Variants in CCSER1 observed in about 807,000 individuals in gnomAD.
CCSER1 encodes the protein coiled-coil serine rich protein 1, also known as serine-rich coiled-coil domain-containing protein 1.
Under a neutral mutation model 82.0 loss-of-function variants are expected in CCSER1, and 41 were observed. That is an observed-to-expected ratio of 0.50 (90% CI 0.39 to 0.65). CCSER1 has a LOEUF of 0.65. CCSER1 is among the 30% of genes least tolerant of loss of function. CCSER1 has a pLI of 0.00. For missense variants in CCSER1, 1,119 were observed against 1,064.2 expected (o/e 1.05, Z -0.72); for synonymous variants, 414 against 383.9 (o/e 1.08, Z -0.92).
intron 10 of CCSER1, among the ~76,000 whole-genome samples, chr4:91,530,639 T>G (rs1354511142): frequency 6.6e-6 from 1 of 151,840 alleles, no homozygotes; most frequent in African/African-American, 2.4e-5. Flanking sequence ...ACTATGTATT[T>G]ATGCTGAAAA....
intron 10 of CCSER1, among the ~76,000 whole-genome samples, chr4:91,122,098 T>G (rs2148892839): frequency 6.6e-6 from 1 of 151,808 alleles, no homozygotes; most frequent in Admixed American, 6.6e-5. Flanking sequence ...CTTTGGTACC[T>G]GACATGGAAT....
intron 5 of CCSER1, among the ~76,000 whole-genome samples, chr4:90,574,634 T>A (rs1047419846): frequency 9.9e-5 from 15 of 151,952 alleles, no homozygotes; most frequent in Non-Finnish European, 1.0e-4. Flanking sequence ...CGGAATAACA[T>A]CTGCTTTCTT....
At chr4:91,426,008 A>T (rs1753946377) in intron 10 of CCSER1, among the ~76,000 whole-genome samples, 1 of 152,096 alleles carries the variant, frequency 6.6e-6, no homozygotes, top group Non-Finnish European at 1.5e-5. Flanking sequence ...CACCTACATT[A>T]GGTATTCCTC....
chr4:90,977,592 C>T (rs1336091993), intron 9 of CCSER1, among the ~76,000 whole-genome samples: 2 of 151,524 alleles, frequency 1.3e-5, no homozygotes, highest in African/African-American at 2.4e-5. Flanking sequence ...GTACACTAGA[C>T]AGTTAATTTC....
chr4:90,303,938 C>T (rs1733700306), intron 1 of CCSER1, among the ~76,000 whole-genome samples: 3 of 152,040 alleles, frequency 2.0e-5, no homozygotes, highest in African/African-American at 4.8e-5. Flanking sequence ...CTACAATGAA[C>T]TCAAACAAAT....
chr4:91,574,405 T>C (rs1156840675), intron 10 of CCSER1, among the ~76,000 whole-genome samples: 2 of 151,968 alleles, frequency 1.3e-5, no homozygotes, highest in African/African-American at 4.8e-5. Context: ...GATATGTATC[T>C]AAAAAGAAAA....
chr4:91,163,688 G>C (rs1489497265), intron 10 of CCSER1, among the ~76,000 whole-genome samples: 1 of 152,052 alleles, frequency 6.6e-6, no homozygotes, highest in Admixed American at 6.6e-5. Flanking sequence ...TTATGTAATG[G>C]CCTTCCTTGT....
At chr4:91,587,922 C>A (rs1764076734) in intron 10 of CCSER1, among the ~76,000 whole-genome samples, 1 of 151,376 alleles carries the variant, frequency 6.6e-6, no homozygotes. Flanking sequence ...TCTCTTGAAT[C>A]TTGAATTAAT....
At chr4:91,594,992 A>G (rs1331884090) in intron 10 of CCSER1, among the ~76,000 whole-genome samples, 1 of 151,966 alleles carries the variant, frequency 6.6e-6, no homozygotes, top group Non-Finnish European at 1.5e-5. Flanking sequence ...CCTGTTGCTG[A>G]GAGTGTTGGC....
At chr4:91,210,430 A>ATAAAAAAAGAGT (rs1736717629) in intron 10 of CCSER1, among the ~76,000 whole-genome samples, 3 of 151,618 alleles carry the variant, frequency 2.0e-5, no homozygotes, top group Admixed American at 1.3e-4. Context: ...TGGACAATTA[A>ATAAAAAAAGAGT]TAAAAAAAGA....
chr4:91,570,531 G>A (rs538308522), intron 10 of CCSER1, among the ~76,000 whole-genome samples: 6 of 152,284 alleles, frequency 3.9e-5, no homozygotes, highest in Admixed American at 3.9e-4. Context: ...GTACCTGCAG[G>A]CCAAACAACA....
chr4:91,211,539 G>C (rs138588302), intron 10 of CCSER1, among the ~76,000 whole-genome samples: 18 of 152,076 alleles, frequency 1.2e-4, no homozygotes, highest in African/African-American at 4.1e-4. Flanking sequence ...TGAGTTATAG[G>C]ACTATGTCTT....
At chr4:91,585,837 T>C (rs1343561152) in intron 10 of CCSER1, among the ~76,000 whole-genome samples, 1 of 151,634 alleles carries the variant, frequency 6.6e-6, no homozygotes, top group African/African-American at 2.4e-5. Context: ...AGCTAGATCA[T>C]TCAGAGTGAT....
At chr4:90,365,258 A>G (rs1391049134) in intron 3 of CCSER1, among the ~76,000 whole-genome samples, 1 of 151,900 alleles carries the variant, frequency 6.6e-6, no homozygotes, top group Non-Finnish European at 1.5e-5. Context: ...ACAGAATTCA[A>G]TGAGCAACAT....
intron 1 of CCSER1, among the ~76,000 whole-genome samples, chr4:90,170,581 A>AT (rs200969879): frequency 2.5e-4 from 38 of 149,908 alleles, no homozygotes; most frequent in Non-Finnish European, 4.8e-4. Context: ...TCATGAGTTC[A>AT]TTTTTTTTTA....
In CCSER1 at chr4:90,575,994, C is replaced by A. The variant is rs191059302; in HGVS notation, c.1725-52031C>A. ...GGTAAGCCCTTTTACTCTGGAAATG[C>A]AGTTTTCATATCTCCGAAATTTTGT... On this transcript the variant is annotated intron_variant, in intron 5 of 10. Transcript: ENST00000509176. 6.1e-3 allele frequency among the ~76,000 whole-genome samples: 933 copies of A among 151,976 alleles called. 6 individuals carry two copies. The highest frequency in any genetic ancestry group is 0.023 in the South Asian group (111 of 4,806).
intron 10 of CCSER1, among the ~76,000 whole-genome samples, chr4:91,354,100 G>C (rs990404574): frequency 6.6e-6 from 1 of 152,148 alleles, no homozygotes; most frequent in Non-Finnish European, 1.5e-5. Context: ...AATAGTCAAG[G>C]CTTGACCAGT....
At chr4:91,027,592 C>T (rs1740605062) in intron 9 of CCSER1, among the ~76,000 whole-genome samples, 1 of 151,986 alleles carries the variant, frequency 6.6e-6, no homozygotes, top group South Asian at 2.1e-4. Flanking sequence ...GTCATTCTCA[C>T]AGCCCTATTT....
chr4:90,691,544 T>C (rs1304549456), intron 6 of CCSER1, among the ~76,000 whole-genome samples: 3 of 137,838 alleles, frequency 2.2e-5, no homozygotes, highest in Non-Finnish European at 3.3e-5. Context: ...ATAATACATG[T>C]GTACATATCA....
Sources: gnomAD v4.1 joint callset for allele counts (sites outside exome capture counted in the v4.1 genomes callset) on GRCh38, gnomAD v4.1.1 for gene constraint, MANE v1.5 for transcripts, NCBI Gene and HGNC (gene_info 2026-07-23, HGNC 2026-07-21) for gene names.